Variants in OR7G2 observed in about 807,000 individuals in gnomAD.
OR7G2 encodes the protein olfactory receptor family 7 subfamily G member 2, also known as olfactory receptor 7G2.
For missense variants in OR7G2, 362 were observed against 384.0 expected (o/e 0.94, Z 0.48); for synonymous variants, 153 against 152.2 (o/e 1.01, Z -0.04).
intron 1 of OR7G2, among the ~76,000 whole-genome samples, chr19:9,104,453 A>G (rs2050374597): frequency 6.6e-6 from 1 of 152,180 alleles, no homozygotes; most frequent in Non-Finnish European, 1.5e-5. Context: ...ATATAGAAAC[A>G]TACTGCAACA....
In OR7G2 at chr19:9,103,157, G is replaced by A; in HGVS notation, c.87C>T (p.Ser29=). The change falls in exon 2 of 2, where the codon AGC becomes AGT. Residue 29 remains serine (S), a synonymous_variant. Transcript: ENST00000641081. ...EDPELQPVLF[S]LFLSMYLVTI... ...TGACCAAGTACATGGACAGGAACAG[G>A]CTGAAAAGGACGGGCTGCAGTTCCG... 6.2e-7 allele frequency: 1 copy of A among 1,614,130 alleles called. No homozygotes were observed. Among genetic ancestry groups the A allele is most frequent in the Non-Finnish European group, 8.5e-7 (1 of 1,180,034 alleles).
At chr19:9,104,781 C>A (rs1234125199) in intron 1 of OR7G2, among the ~76,000 whole-genome samples, 2 of 151,276 alleles carry the variant, frequency 1.3e-5, no homozygotes, top group African/African-American at 4.9e-5. Flanking sequence ...GAGCCGAGAT[C>A]GCGCCACTGC....
chr19:9,103,074 G>C lies in OR7G2; in HGVS notation c.170C>G (p.Thr57Ser), dbSNP rs770780747. 1.2e-6 allele frequency: 2 copies of C among 1,614,080 alleles called. No homozygotes were observed. The highest frequency in any genetic ancestry group is 1.7e-6 in the Non-Finnish European group (2 of 1,179,978). Residue 57 changes from threonine (T) to serine (S), a missense_variant, in exon 2 of 2, where the codon ACC becomes AGC. Thr to Ser is a moderately conservative substitution (Grantham distance 58). Coordinates refer to ENST00000641081, the MANE Select transcript of OR7G2 (RefSeq NM_001005193.2). ...LAVISDSHLH[T>S]PMYFFLSNLS... ...ATTGGAGAGGAAGAAGTACATGGGGGTGTGGAGGTGAGAGTCAGAGATGAC... is the reference window on the plus strand; with the variant it reads ...ATTGGAGAGGAAGAAGTACATGGGGCTGTGGAGGTGAGAGTCAGAGATGAC...
rs576922645 is a variant in OR7G2 at position 9,102,128 on chromosome 19, G to A, written c.*141C>T. On this transcript the variant is annotated 3_prime_UTR_variant, in exon 2 of 2. Transcript: ENST00000641081. ...TGAGGCAGGAGGATGGCTTGAACCC[G>A]GAGGCGGAAGTTGCAGTGAGCCGAG... is the stretch of plus-strand genomic sequence containing the variant. 6.1e-5 allele frequency: 42 copies of A among 686,608 alleles called. No individual in the cohort carries two copies. The South Asian group carries it at 6.2e-4, about 10-fold the overall frequency. The allele number at this position is 686,608 out of a possible 1,614,324, so 42.5% of individuals were successfully genotyped here.
chr19:9,105,412 C>T (rs1213191964), intron 1 of OR7G2, among the ~76,000 whole-genome samples: 4 of 152,208 alleles, frequency 2.6e-5, no homozygotes, highest in Non-Finnish European at 2.9e-5. Context: ...AGACTTTAAT[C>T]CCTCTGATGC....
rs1422280145 is a variant in OR7G2, at chr19:9,107,350, G to A, written c.-53C>T. 1.3e-5 allele frequency: 2 copies of A among 152,154 alleles called. No individual in the cohort carries two copies. The highest frequency in any genetic ancestry group is 6.6e-5 in the Admixed American group (1 of 15,260). The allele number at this position is 152,154 out of a possible 1,614,324, so 9.4% of individuals were successfully genotyped here. ...AGAGGATGATCTATCCTCAGGAAGT[G>A]CAGACAGACTCGAGTCCTGGTCAAA... On this transcript the variant is annotated 5_prime_UTR_variant, in exon 1 of 2. Transcript: ENST00000641081.
chr19:9,103,291 G>A (rs150102898), intron 1 of OR7G2, 32 bp from the exon 2 acceptor site: 1 of 1,612,268 alleles, frequency 6.2e-7, no homozygotes. Flanking sequence ...TCTGTAAGCA[G>A]CAGCTGCATC....
In OR7G2 at chr19:9,102,879, C is replaced by T. The variant is rs1220167316; in HGVS notation, c.365G>A (p.Arg122His). 36 of 1,613,750 alleles carry T rather than the reference C, an allele frequency of 2.2e-5. No individual in the cohort carries two copies. Among genetic ancestry groups the T allele is most frequent in the Middle Eastern group, 3.3e-4 (2 of 6,084 alleles). The stretch of plus-strand genomic sequence containing the variant: ...AAGGGGGTGACAAATGGCCACATAG[C>T]GGTCATAGGCCATTGCTGCAAGGAG... ...NCLLAAMAYD[R>H]YVAICHPLRY... The change falls in exon 2 of 2, where the codon CGC becomes CAC. Residue 122 changes from arginine (R) to histidine (H), a missense_variant. Arg to His is a conservative substitution (Grantham distance 29). Coordinates refer to ENST00000641081, the MANE Select transcript of OR7G2 (RefSeq NM_001005193.2).
At chr19:9,104,732 C>G (rs1016250739) in intron 1 of OR7G2, among the ~76,000 whole-genome samples, 8 of 151,776 alleles carry the variant, frequency 5.3e-5, no homozygotes, top group African/African-American at 1.9e-4. Context: ...GAGGCTGAGG[C>G]AGGAGAATGG....
At chr19:9,105,562 C>T (rs1204552300) in intron 1 of OR7G2, among the ~76,000 whole-genome samples, 1 of 152,134 alleles carries the variant, frequency 6.6e-6, no homozygotes, top group Admixed American at 6.6e-5. Context: ...TAAAAACCCT[C>T]AACAGGCTGT....
chr19:9,103,169 G>C lies in OR7G2; in HGVS notation c.75C>G (p.Pro25=). ...LGLIEDPELQ[P]VLFSLFLSMY... ...TGGACAGGAACAGGCTGAAAAGGACGGGCTGCAGTTCCGGATCCTCTATCA... is the reference window on the plus strand; with the variant it reads ...TGGACAGGAACAGGCTGAAAAGGACCGGCTGCAGTTCCGGATCCTCTATCA... The change falls in exon 2 of 2, where the codon CCC becomes CCG. Residue 25 remains proline, a synonymous_variant. Coordinates refer to ENST00000641081, the MANE Select transcript of OR7G2 (RefSeq NM_001005193.2). The C allele has an allele frequency of 6.2e-7, 1 of 1,614,120 alleles. No individual in the cohort carries two copies. Among genetic ancestry groups the C allele is most frequent in the Non-Finnish European group, 8.5e-7 (1 of 1,180,028 alleles).
chr19:9,102,472 C>A lies in OR7G2; in HGVS notation c.772G>T (p.Val258Leu). ...TCAGTAACCACAGAACTAATGTACACCCCCAAACCTGCCCCATAGAACAAG... is the reference window on the plus strand; with the variant it reads ...TCAGTAACCACAGAACTAATGTACAACCCCAAACCTGCCCCATAGAACAAG... ...VLLFYGAGLG[V>L]YISSVVTDSP... The change falls in exon 2 of 2, where the codon GTG (valine) becomes TTG (leucine). Residue 258 changes from valine to leucine, a missense_variant. By Grantham distance (32) the Val-to-Leu change is conservative (BLOSUM62 1). Coordinates refer to ENST00000641081, the MANE Select transcript of OR7G2 (RefSeq NM_001005193.2). 6.2e-7 allele frequency: 1 copy of A among 1,613,892 alleles called. No individual in the cohort carries two copies. Among genetic ancestry groups the A allele is most frequent in the South Asian group, 1.1e-5 (1 of 91,070 alleles).
chr19:9,103,101 G>A lies in OR7G2; in HGVS notation c.143C>T (p.Ala48Val). Reference sequence around the variant, plus strand: ...GTGGAGGTGAGAGTCAGAGATGACAGCCAAGAGGATGAGCAGGTTCCCCAG... The same window carrying A: ...GTGGAGGTGAGAGTCAGAGATGACAACCAAGAGGATGAGCAGGTTCCCCAG... ...TILGNLLILLAVISDSHLHTP... is the reference protein window; with the variant it reads ...TILGNLLILLVVISDSHLHTP... Residue 48 changes from alanine to valine, a missense_variant, in exon 2 of 2, where the codon GCT becomes GTT. Ala to Val is a moderately conservative substitution (Grantham distance 64). Transcript: ENST00000641081. 4 of 1,614,140 alleles carry A rather than the reference G, an allele frequency of 2.5e-6. No homozygotes were observed. The highest frequency in any genetic ancestry group is 3.4e-6 in the Non-Finnish European group (4 of 1,180,020).
chr19:9,107,185 G>T (rs1306803894), intron 1 of OR7G2, 129 bp downstream of exon 1: 1 of 152,170 alleles, frequency 6.6e-6, no homozygotes, highest in African/African-American at 2.4e-5. Context: ...CCAGGCAACA[G>T]AGTGAGACCT....
chr19:9,104,220 C>T (rs1257123231), intron 1 of OR7G2, among the ~76,000 whole-genome samples: 1 of 152,036 alleles, frequency 6.6e-6, no homozygotes, highest in Non-Finnish European at 1.5e-5. Context: ...TTTATTCTTT[C>T]TGCTGTTCCC....
chr19:9,102,348 C>G lies in OR7G2; in HGVS notation c.896G>C (p.Gly299Ala). 1.2e-6 allele frequency: 2 copies of G among 1,613,890 alleles called. No individual in the cohort carries two copies. The highest frequency in any genetic ancestry group is 8.5e-7 in the Non-Finnish European group (1 of 1,179,802). Residue 299 changes from glycine to alanine, a missense_variant, in exon 2 of 2, where the codon GGA becomes GCA. Physicochemically the swap from Gly to Ala is moderately conservative, Grantham distance 60. Coordinates refer to ENST00000641081, the MANE Select transcript of OR7G2 (RefSeq NM_001005193.2). ...CCTCCCTATGAACTTCCTCAAGGTTCCTTTCATGTCCTTATTCCTCAGACT... is the reference window on the plus strand; with the variant it reads ...CCTCCCTATGAACTTCCTCAAGGTTGCTTTCATGTCCTTATTCCTCAGACT... ...IYSLRNKDMK[G>A]TLRKFIGRIP...
At chr19:9,104,356 G>C (rs1478591244) in intron 1 of OR7G2, among the ~76,000 whole-genome samples, 6 of 152,112 alleles carry the variant, frequency 3.9e-5, no homozygotes, top group Non-Finnish European at 8.8e-5. Flanking sequence ...GTCAGAGTTA[G>C]CATGCTAAAT....
At position 9,102,277 on chromosome 19, in the gene OR7G2, G is replaced by A. The variant is rs2050358056; in HGVS notation, c.967C>T (p.Leu323=). 1 of 1,597,384 alleles carries A rather than the reference G, an allele frequency of 6.3e-7. No homozygotes were observed. The highest frequency in any genetic ancestry group is 8.5e-7 in the Non-Finnish European group (1 of 1,172,496). Residue 323 remains leucine (L), a synonymous_variant, in exon 2 of 2, where the codon CTA becomes TTA. Coordinates refer to ENST00000641081, the MANE Select transcript of OR7G2 (RefSeq NM_001005193.2). ...WCAICFGFRF[L]E is the part of the protein sequence containing the mutation. Reference sequence around the variant, plus strand: ...AATCCTGTCACTTTGACTTACTCTAGAAACCTGAATCCAAAGCAAATGGCA... The same window carrying A: ...AATCCTGTCACTTTGACTTACTCTAAAAACCTGAATCCAAAGCAAATGGCA...
At chr19:9,106,648 A>T (rs2050387923) in intron 1 of OR7G2, among the ~76,000 whole-genome samples, 1 of 150,360 alleles carries the variant, frequency 6.7e-6, no homozygotes, top group South Asian at 2.1e-4. Context: ...TCTACAGGAG[A>T]ATCGCTTGAA....
Sources: gnomAD v4.1 joint callset for allele counts (sites outside exome capture counted in the v4.1 genomes callset) on GRCh38, gnomAD v4.1.1 for gene constraint, MANE v1.5 for transcripts, NCBI Gene and HGNC (gene_info 2026-07-23, HGNC 2026-07-21) for gene names.